Variants in ABLIM1 observed in about 807,000 individuals in gnomAD.
ABLIM1 encodes the protein actin binding LIM protein 1, also known as actin-binding LIM protein 1.
In ABLIM1, 40 loss-of-function variants were observed where a neutral mutation model predicts 107.0. The ratio of observed to expected loss-of-function variants is 0.37; its 90% CI spans 0.29 to 0.49. The LOEUF is 0.49. Among genes scored for constraint, ABLIM1 ranks in the 20% least tolerant of loss-of-function variants. ABLIM1 has a pLI of 0.97. For synonymous variants in ABLIM1, 357 were observed against 357.3 expected, an observed-to-expected ratio of 1.00 and a Z score of 0.01; for missense variants, 857 against 1,008.5, an observed-to-expected ratio of 0.85 and a Z score of 2.04.
rs1353266895 is a variant in ABLIM1, at chr10:114,690,602, A to G, written c.-213+77459T>C. The stretch of plus-strand genomic sequence containing the variant: ...AGGAGATGCAGCCCAAGGGCTCACC[A>G]TTGATGGCAATGTTGAAGAACACCG... On this transcript the variant is annotated intron_variant, in intron 1 of 15. Coordinates refer to the ABLIM1 transcript ENST00000651092. The G allele has an allele frequency of 1.2e-5, 10 of 825,496 alleles. No individual in the cohort carries two copies. In the East Asian group the frequency reaches 2.4e-4, roughly 20 times the overall value. 51.1% of individuals were successfully genotyped at this position (825,496 alleles called of 1,614,324 possible).
At chr10:114,450,220 A>AAC (rs1555012469) in intron 14 of ABLIM1, 20 of 157,918 alleles carry the variant, frequency 1.3e-4, no homozygotes, top group African/African-American at 8.6e-4. Flanking sequence ...ATAAAAAAAA[A>AAC]AAAACAAAAA....
In ABLIM1 at chr10:114,690,502, C is replaced by T. The variant is rs987386351; in HGVS notation, c.-213+77559G>A. 11 of 1,507,730 alleles carry T rather than the reference C, an allele frequency of 7.3e-6. No individual in the cohort carries two copies. The Admixed American group carries it at 1.8e-4, about 25-fold the overall frequency. 93.4% of individuals were successfully genotyped at this position (1,507,730 alleles called of 1,614,324 possible). ...CTGTGAAAGCGGGAGCCCTTACAAC[C>T]AAATCCTTTCTCTCCCATGCCCAGA... is the stretch of plus-strand genomic sequence containing the variant. On this transcript the variant is annotated intron_variant, in intron 1 of 15. Coordinates refer to the ABLIM1 transcript ENST00000651092.
rs958193044 is a variant in ABLIM1 at position 114,433,322 on chromosome 10, G to A, written c.*2938C>T. 6.6e-6 allele frequency: 1 copy of A among 152,218 alleles called. No homozygotes were observed. Among genetic ancestry groups the A allele is most frequent in the African/African-American group, 2.4e-5 (1 of 41,468 alleles). The allele number at this position is 152,218 out of a possible 1,614,324, so 9.4% of individuals were successfully genotyped here. ...CATGCTGAGCCCAGTTTAACTAAAT[G>A]TGCAGGCATTCTAGCCCACACATTC... On this transcript the variant is annotated 3_prime_UTR_variant, in exon 23 of 23. Coordinates refer to ENST00000533213, the MANE Select transcript of ABLIM1 (RefSeq NM_002313.7).
Position 114,658,243 on chromosome 10 carries a change from C to A in ABLIM1, c.-43G>T. On this transcript the variant is annotated 5_prime_UTR_variant, in exon 1 of 23. Transcript: ENST00000533213. ...AGCAATGAGAAATGGGGAGTGGGGA[C>A]CCAAGGAGCGGTGCTGCCCCACAAT... is the stretch of plus-strand genomic sequence containing the variant. The A allele has an allele frequency of 6.4e-7, 1 of 1,572,528 alleles. No individual in the cohort carries two copies. Among genetic ancestry groups the A allele is most frequent in the South Asian group, 1.2e-5 (1 of 84,152 alleles).
chr10:114,801,008 C>G, the ABLIM1 span, among the ~76,000 whole-genome samples: 13 of 152,168 alleles, frequency 8.5e-5, no homozygotes, highest in Admixed American at 8.5e-4. Context: ...CTACTGTTGA[C>G]TAGAAGCCTT....
intron 1 of ABLIM1, among the ~76,000 whole-genome samples, chr10:114,722,942 T>C (rs2081881666): frequency 6.6e-6 from 1 of 152,240 alleles, no homozygotes; most frequent in African/African-American, 2.4e-5. Flanking sequence ...TCTGTAATCA[T>C]GGCTGGATGT....
chr10:114,680,434 C>T (rs769708298), intron 1 of ABLIM1, among the ~76,000 whole-genome samples: 11 of 152,220 alleles, frequency 7.2e-5, no homozygotes, highest in Non-Finnish European at 1.5e-4. Flanking sequence ...TTTCCTTCTA[C>T]AAGTCCATAG....
intron 1 of ABLIM1, among the ~76,000 whole-genome samples, chr10:114,680,297 T>G (rs907983795): frequency 2.0e-5 from 3 of 152,182 alleles, no homozygotes; most frequent in African/African-American, 7.2e-5. Flanking sequence ...AAACTGAGGC[T>G]TAGAGAAGTT....
At chr10:114,542,494 AGAAG>A (rs1428814244) in intron 6 of ABLIM1, among the ~76,000 whole-genome samples, 1 of 151,682 alleles carries the variant, frequency 6.6e-6, no homozygotes, top group Non-Finnish European at 1.5e-5. Context: ...AGATGAAAGA[AGAAG>A]GAAGAAAGAA....
chr10:114,699,999 T>C (rs1445674130), intron 1 of ABLIM1, among the ~76,000 whole-genome samples: 1 of 152,162 alleles, frequency 6.6e-6, no homozygotes, highest in Admixed American at 6.5e-5. Flanking sequence ...GGTCTCACTA[T>C]GTTGTCCAAG....
At chr10:114,702,043 TA>T (rs2081317552) in intron 1 of ABLIM1, among the ~76,000 whole-genome samples, 1 of 152,208 alleles carries the variant, frequency 6.6e-6, no homozygotes, top group South Asian at 2.1e-4. Context: ...ATATGCAAAG[TA>T]AAAAATGTAC....
At chr10:114,632,185 G>A (rs2078232411) in intron 1 of ABLIM1, 1 of 985,250 alleles carries the variant, frequency 1.0e-6, no homozygotes, top group African/African-American at 1.7e-5. Flanking sequence ...TCTGCCCTGC[G>A]GCTGAAACCA....
intron 10 of ABLIM1, among the ~76,000 whole-genome samples, chr10:114,471,013 T>G (rs1280965817): frequency 6.6e-6 from 1 of 152,196 alleles, no homozygotes; most frequent in African/African-American, 2.4e-5. Flanking sequence ...GCCTCCCAAG[T>G]TGCTGGGACT....
chr10:114,469,298 G>T (rs936766365), intron 10 of ABLIM1, among the ~76,000 whole-genome samples: 3 of 152,072 alleles, frequency 2.0e-5, no homozygotes, highest in Non-Finnish European at 4.4e-5. Flanking sequence ...CCAGGCATGG[G>T]GCATCCTGCC....
upstream of ABLIM1, among the ~76,000 whole-genome samples, chr10:114,768,313 C>T (rs1269370101): frequency 1.4e-5 from 2 of 146,972 alleles, no homozygotes; most frequent in Admixed American, 6.8e-5. Context: ...CTGGGCGGGG[C>T]GCGCCTCCCC....
intron 2 of ABLIM1, among the ~76,000 whole-genome samples, chr10:114,583,460 CACACACACATATATATATATAT>C (rs1566009426): frequency 8.7e-4 from 9 of 10,324 alleles, no homozygotes; most frequent in South Asian, 4.7e-3. Context: ...CACACACACA[CACACACACATATATATATATAT>C]ATATATATAT....
chr10:114,608,621 A>C (rs1222878009), intron 1 of ABLIM1, among the ~76,000 whole-genome samples: 2 of 152,036 alleles, frequency 1.3e-5, no homozygotes, highest in Non-Finnish European at 2.9e-5. Context: ...GTGAGCCGAG[A>C]TCGTGCCATT....
At chr10:114,498,279 C>A (rs980362083) in intron 6 of ABLIM1, among the ~76,000 whole-genome samples, 3 of 152,182 alleles carry the variant, frequency 2.0e-5, no homozygotes, top group African/African-American at 7.2e-5. Flanking sequence ...ATCCCATACC[C>A]TCTACAAGCT....
chr10:114,439,241 C>G lies in ABLIM1; in HGVS notation c.2077G>C (p.Asp693His). 6.2e-7 allele frequency: 1 copy of G among 1,614,226 alleles called. No individual in the cohort carries two copies. Among genetic ancestry groups the G allele is most frequent in the Non-Finnish European group, 8.5e-7 (1 of 1,180,036 alleles). The change falls in exon 21 of 23, where the codon GAT becomes CAT. Residue 693 changes from aspartate to histidine, a missense_variant. Physicochemically the swap from Asp to His is moderately conservative, Grantham distance 81. Transcript: ENST00000533213. ...GGVRDYQTLPDGHMPAMRMDR... is the reference protein window; with the variant it reads ...GGVRDYQTLPHGHMPAMRMDR... ...ATTCTCATTGCAGGCATGTGGCCAT[C>G]TGGGAGTGTCTGCAACAGAAATGCC... is the stretch of plus-strand genomic sequence containing the variant.
Sources: gnomAD v4.1 joint callset for allele counts (sites outside exome capture counted in the v4.1 genomes callset) on GRCh38, gnomAD v4.1.1 for gene constraint, MANE v1.5 for transcripts, NCBI Gene and HGNC (gene_info 2026-07-23, HGNC 2026-07-21) for gene names.